The following FBXW8 variants were observed in gnomAD, a reference collection of about 807,000 sequenced individuals.
FBXW8 encodes the protein F-box and WD repeat domain containing 8, also known as F-box/WD repeat-containing protein 8.
Under a neutral mutation model 65.3 loss-of-function variants are expected in FBXW8, and 57 were observed. The observed-to-expected ratio is 0.87, with a 90% CI of 0.71 to 1.09. The LOEUF (loss-of-function observed/expected upper bound fraction) is 1.09. FBXW8 is among the 50% of genes least tolerant of loss of function. The pLI is 0.00. For synonymous variants in FBXW8, 308 were observed against 330.2 expected, an observed-to-expected ratio of 0.93 and a Z score of 0.73; for missense variants, 777 against 814.8, an observed-to-expected ratio of 0.95 and a Z score of 0.57.
intron 7 of FBXW8, among the ~76,000 whole-genome samples, chr12:116,992,075 G>A (rs1953254619): frequency 6.6e-6 from 1 of 152,194 alleles, no homozygotes; most frequent in Admixed American, 6.5e-5. Context: ...ACAGATTTCA[G>A]CAAACTGGTG....
At chr12:117,024,377 C>A in intron 9 of FBXW8, 57 bp downstream of exon 9, 2 of 1,594,560 alleles carry the variant, frequency 1.3e-6, no homozygotes, top group African/African-American at 1.3e-5. Context: ...GAAGGCAGCA[C>A]TAATCAGCCT....
At chr12:116,949,938 A>G (rs1883173071) in intron 4 of FBXW8, 1 of 495,162 alleles carries the variant, frequency 2.0e-6, no homozygotes, top group Non-Finnish European at 3.6e-6. Flanking sequence ...ATTTGTCTCA[A>G]TATGTCTTTC....
chr12:116,924,906 T>C (rs540289789), intron 1 of FBXW8, among the ~76,000 whole-genome samples: 1 of 152,278 alleles, frequency 6.6e-6, no homozygotes, highest in East Asian at 1.9e-4. Flanking sequence ...TTGAATTTAC[T>C]CTGGTTTGTC....
intron 1 of FBXW8, among the ~76,000 whole-genome samples, chr12:116,915,583 AG>A (rs1880340077): frequency 6.9e-6 from 1 of 145,772 alleles, no homozygotes; most frequent in South Asian, 2.2e-4. Flanking sequence ...TCTTCCACCC[AG>A]GGGTAACCAC....
chr12:116,975,043 T>C (rs1884839874), intron 5 of FBXW8, among the ~76,000 whole-genome samples: 1 of 152,172 alleles, frequency 6.6e-6, no homozygotes, highest in African/African-American at 2.4e-5. Context: ...TAATTACCCA[T>C]GAGTCCATAT....
At chr12:116,979,693 CCTG>C (rs1456209015) in intron 5 of FBXW8, 2 of 151,792 alleles carry the variant, frequency 1.3e-5, no homozygotes, top group Admixed American at 1.3e-4. Flanking sequence ...AAGAAAAACA[CCTG>C]CTCTTTCTGT....
chr12:116,945,662 G>A (rs962817982), intron 3 of FBXW8, 134 bp downstream of exon 3: 2 of 766,782 alleles, frequency 2.6e-6, no homozygotes, highest in South Asian at 2.0e-5. Flanking sequence ...CCCTTCAGCT[G>A]TTGGTGACTT....
intron 5 of FBXW8, 101 bp from the exon 6 acceptor site, chr12:116,985,105 A>C (rs1039904714): frequency 1.0e-5 from 10 of 985,930 alleles, no homozygotes; most frequent in Non-Finnish European, 1.5e-5. Context: ...TTTCCAAGGT[A>C]TCTCCGTTAA....
intron 1 of FBXW8, among the ~76,000 whole-genome samples, chr12:116,919,431 A>G (rs940058045): frequency 3.3e-5 from 5 of 152,110 alleles, no homozygotes; most frequent in Non-Finnish European, 5.9e-5. Context: ...GTTAGTACCT[A>G]TCTCGTGAAG....
chr12:116,911,330 TG>T lies in FBXW8; in HGVS notation c.295del (p.Val99TrpfsTer8). 7.8e-7 allele frequency: 1 copy of T among 1,283,804 alleles called. No individual in the cohort carries two copies. Among genetic ancestry groups the T allele is most frequent in the South Asian group, 2.7e-5 (1 of 37,396 alleles). 79.5% of individuals were successfully genotyped at this position (1,283,804 alleles called of 1,614,324 possible). A position where few individuals can be genotyped will look rare whatever the true frequency, so the allele number is the denominator to read the frequency against. On this transcript the variant is annotated frameshift_variant, in exon 1 of 11. Transcript: ENST00000652555. LOFTEE classifies it high-confidence loss of function. ...GAGGGCGCCGGGGGCGGGGAGCAGC[TG>T]GTGGACCAGCTCATCCGCGACCTGG... Reference protein sequence around the residue: ...AREGAGGGEQLVDQLIRDLNE... With the variant: ...AREGAGGGEQXVDQLIRDLNE...
At chr12:116,933,359 G>A (rs988258599) in intron 2 of FBXW8, among the ~76,000 whole-genome samples, 2 of 152,224 alleles carry the variant, frequency 1.3e-5, no homozygotes, top group Non-Finnish European at 2.9e-5. Flanking sequence ...CTGCTTTGTA[G>A]AGAGCCATGT....
chr12:116,911,888 AAGG>A (rs1180373989), intron 1 of FBXW8, among the ~76,000 whole-genome samples: 1 of 152,190 alleles, frequency 6.6e-6, no homozygotes, highest in East Asian at 1.9e-4. Flanking sequence ...CTCAGAAAAA[AAGG>A]AAGAAGAGGA....
intron 3 of FBXW8, among the ~76,000 whole-genome samples, chr12:116,947,750 A>AGAAAG (rs1555219000): frequency 1.5e-5 from 2 of 137,660 alleles, no homozygotes; most frequent in Non-Finnish European, 1.5e-5. Flanking sequence ...AAAAAAAAAA[A>AGAAAG]AAAAGAAAAG....
At chr12:116,965,925 A>AT (rs10630126) in intron 5 of FBXW8, among the ~76,000 whole-genome samples, 13,487 of 137,284 alleles carry the variant, frequency 0.098, 1,361 homozygotes, top group African/African-American at 0.25. Flanking sequence ...TGCCCAGCTA[A>AT]TTTTTTTTTT....
chr12:116,954,101 G>A (rs1375785101), intron 4 of FBXW8, among the ~76,000 whole-genome samples: 2 of 132,112 alleles, frequency 1.5e-5, no homozygotes, highest in African/African-American at 5.7e-5. Flanking sequence ...GCGACAGGGC[G>A]ACTCTGTCTC....
chr12:117,023,304 C>CTTTCTTTTCAGGGCAGGGACT (rs1954145574), intron 8 of FBXW8, among the ~76,000 whole-genome samples: 1 of 152,128 alleles, frequency 6.6e-6, no homozygotes, highest in African/African-American at 2.4e-5. Context: ...ATGCTGGGGT[C>CTTTCTTTTCAGGGCAGGGACT]TTTCTTTTCA....
chr12:116,957,110 G>A (rs1018086372), intron 4 of FBXW8, among the ~76,000 whole-genome samples: 2 of 152,264 alleles, frequency 1.3e-5, no homozygotes, highest in African/African-American at 2.4e-5. Flanking sequence ...ACTTTGGGAA[G>A]TCAAGGCAGG....
In FBXW8 at chr12:116,926,159, C is replaced by G. The variant is rs1303441743; in HGVS notation, c.319-1864C>G. Reference sequence around the variant, plus strand: ...GTCCTTTGCCTCATCAGAATAGCATCAAGTCCAGACACCAGTTCCTAGTGA... The same window carrying G: ...GTCCTTTGCCTCATCAGAATAGCATGAAGTCCAGACACCAGTTCCTAGTGA... On this transcript the variant is annotated intron_variant, in intron 1 of 10. Coordinates refer to ENST00000652555, the MANE Select transcript of FBXW8 (RefSeq NM_153348.3). 2.0e-5 allele frequency among the ~76,000 whole-genome samples: 3 copies of G among 152,186 alleles called. No homozygotes were observed. In the East Asian group the frequency reaches 5.8e-4, roughly 29 times the overall value.
At chr12:116,918,514 G>T (rs1472536722) in intron 1 of FBXW8, among the ~76,000 whole-genome samples, 1 of 152,158 alleles carries the variant, frequency 6.6e-6, no homozygotes, top group African/African-American at 2.4e-5. Context: ...CTTTCCTTTT[G>T]TTGACTTTAT....
Sources: allele counts gnomAD v4.1 joint callset (sites outside exome capture counted in the v4.1 genomes callset), GRCh38; gene constraint gnomAD v4.1.1; transcripts MANE v1.5; gene names NCBI Gene and HGNC (gene_info 2026-07-23, HGNC 2026-07-21).